TAF1B: variants seen among roughly 807,000 people sequenced by gnomAD.
TAF1B encodes TATA box-binding protein-associated factor RNA polymerase I subunit B.
A neutral mutation model predicts 83.9 loss-of-function variants in TAF1B; 61 were observed. The ratio of observed to expected loss-of-function variants is 0.73; its 90% CI spans 0.59 to 0.90. The LOEUF is 0.90. TAF1B is among the 40% of genes least tolerant of loss of function. The probability of loss-of-function intolerance (pLI) is 0.00; values close to 1 mark genes in which losing one functional copy is unlikely to be tolerated. For missense variants in TAF1B, 625 were observed against 677.0 expected, an observed-to-expected ratio of 0.92 and a Z score of 0.85; for synonymous variants, 221 against 224.6, an observed-to-expected ratio of 0.98 and a Z score of 0.14.
intron 7 of TAF1B, among the ~76,000 whole-genome samples, chr2:9,881,336 A>T (rs1664501112): frequency 6.9e-6 from 1 of 145,420 alleles, no homozygotes; most frequent in Admixed American, 6.9e-5. Flanking sequence ...ACTCTGTCTT[A>T]AAAAAAAAAA....
At chr2:9,917,670 T>C (rs1016015613) in intron 12 of TAF1B, among the ~76,000 whole-genome samples, 3 of 152,230 alleles carry the variant, frequency 2.0e-5, no homozygotes, top group Non-Finnish European at 4.4e-5. Context: ...TTTAAATGAG[T>C]TCCTACTCTC....
At chr2:9,865,743 G>A (rs1460960375) in intron 5 of TAF1B, among the ~76,000 whole-genome samples, 4 of 151,582 alleles carry the variant, frequency 2.6e-5, no homozygotes, top group Non-Finnish European at 5.9e-5. Context: ...CAGAGATACA[G>A]ACCAATGGAA....
At chr2:9,895,648 G>T (rs1327878347) in intron 8 of TAF1B, among the ~76,000 whole-genome samples, 1 of 152,104 alleles carries the variant, frequency 6.6e-6, no homozygotes, top group Non-Finnish European at 1.5e-5. Flanking sequence ...AATAATTACA[G>T]TGCTTTGTCA....
At chr2:9,928,235 G>T (rs1478398608) in intron 14 of TAF1B, among the ~76,000 whole-genome samples, 3 of 152,118 alleles carry the variant, frequency 2.0e-5, no homozygotes, top group African/African-American at 7.2e-5. Context: ...CTCTGTTTTG[G>T]TACCAGTACC....
chr2:9,898,097 G>A (rs450085), intron 8 of TAF1B, among the ~76,000 whole-genome samples: 77,055 of 151,180 alleles, frequency 0.51, 22,886 homozygotes, highest in Non-Finnish European at 0.68. Context: ...TACAAGAAAA[G>A]TAGCCTCTGC....
chr2:9,877,084 A>G (rs1010745761), intron 7 of TAF1B, among the ~76,000 whole-genome samples: 56 of 152,246 alleles, frequency 3.7e-4, no homozygotes, highest in African/African-American at 1.3e-3. Flanking sequence ...CCCATGATTC[A>G]GTGAATTTTA....
At chr2:9,900,979 C>CT (rs1322247610) in intron 8 of TAF1B, among the ~76,000 whole-genome samples, 1 of 152,090 alleles carries the variant, frequency 6.6e-6, no homozygotes, top group African/African-American at 2.4e-5. Flanking sequence ...CAGAGGGTTT[C>CT]TCTAAGTTGT....
intron 1 of TAF1B, 151 bp downstream of exon 1, chr2:9,843,710 T>TG: frequency 2.3e-6 from 2 of 881,872 alleles, no homozygotes; most frequent in Non-Finnish European, 3.3e-6. Context: ...GGCTAAGGAC[T>TG]GGGGCTGGCC....
chr2:9,895,590 AT>A (rs1433076300), intron 8 of TAF1B, among the ~76,000 whole-genome samples: 2 of 152,206 alleles, frequency 1.3e-5, no homozygotes, highest in African/African-American at 4.8e-5. Context: ...AAGGTGAACT[AT>A]TTATGCATCA....
intron 10 of TAF1B, 107 bp from the exon 11 acceptor site, chr2:9,911,404 T>A (rs1000577035): frequency 1.3e-6 from 1 of 792,386 alleles, no homozygotes; most frequent in Non-Finnish European, 1.9e-6. Flanking sequence ...TAAAACATGG[T>A]ATCAATTTCA....
intron 5 of TAF1B, among the ~76,000 whole-genome samples, chr2:9,857,526 T>C (rs287995): frequency 0.21 from 32,241 of 152,120 alleles, 3,887 homozygotes; most frequent in Non-Finnish European, 0.28. Context: ...TGGTTCCATT[T>C]TGGACATGTT....
At chr2:9,863,847 A>G (rs1395105387) in intron 5 of TAF1B, among the ~76,000 whole-genome samples, 5 of 152,228 alleles carry the variant, frequency 3.3e-5, no homozygotes, top group African/African-American at 1.2e-4. Flanking sequence ...CCGAATGACT[A>G]CTGGGTACAT....
intron 7 of TAF1B, among the ~76,000 whole-genome samples, chr2:9,877,255 G>A (rs557488292): frequency 6.6e-6 from 1 of 152,302 alleles, no homozygotes; most frequent in South Asian, 2.1e-4. Flanking sequence ...ATATACAGCT[G>A]TCTGCTGGAC....
At chr2:9,897,222 A>G (rs532954353) in intron 8 of TAF1B, among the ~76,000 whole-genome samples, 82 of 152,352 alleles carry the variant, frequency 5.4e-4, no homozygotes, top group Non-Finnish European at 9.8e-4. Flanking sequence ...GGGTCTAGAT[A>G]TACTTGTCTG....
At chr2:9,876,818 TC>T (rs1664334051) in intron 7 of TAF1B, among the ~76,000 whole-genome samples, 1 of 152,210 alleles carries the variant, frequency 6.6e-6, no homozygotes, top group Non-Finnish European at 1.5e-5. Flanking sequence ...AATAACTACC[TC>T]ATAGGGTTGT....
At chr2:9,921,459 A>G (rs1371060388) in intron 14 of TAF1B, among the ~76,000 whole-genome samples, 1 of 152,188 alleles carries the variant, frequency 6.6e-6, no homozygotes, top group Non-Finnish European at 1.5e-5. Flanking sequence ...TACTCCCCAG[A>G]GCACATTCGT....
At chr2:9,885,780 A>G (rs1227399572) in intron 8 of TAF1B, among the ~76,000 whole-genome samples, 1 of 141,102 alleles carries the variant, frequency 7.1e-6, no homozygotes, top group Non-Finnish European at 1.5e-5. Context: ...CTTAATCTCC[A>G]GCAATTCTCA....
At position 9,919,706 on chromosome 2, in the gene TAF1B, C is replaced by G; in HGVS notation, c.1451C>G (p.Thr484Ser). The G allele has an allele frequency of 6.2e-7, 1 of 1,614,166 alleles. No homozygotes were observed. The highest frequency in any genetic ancestry group is 8.5e-7 in the Non-Finnish European group (1 of 1,180,026). Reference protein sequence around the residue: ...SFQFNWTEEDTDRTCFHGHSL... With the variant: ...SFQFNWTEEDSDRTCFHGHSL... ...CAGTTCAACTGGACTGAAGAGGACA[C>G]TGATAGAACGTGTTTCCATGGACAC... The change falls in exon 14 of 15, where the codon ACT becomes AGT. Residue 484 changes from threonine to serine, a missense_variant. Transcript: ENST00000263663.
chr2:9,854,941 T>A (rs1663511213), intron 5 of TAF1B, among the ~76,000 whole-genome samples: 1 of 152,142 alleles, frequency 6.6e-6, no homozygotes, highest in Non-Finnish European at 1.5e-5. Context: ...TTATTTGGGG[T>A]CGAGGATGAT....
Sources: gnomAD v4.1 joint callset for allele counts (sites outside exome capture counted in the v4.1 genomes callset) on GRCh38, gnomAD v4.1.1 for gene constraint, MANE v1.5 for transcripts, NCBI Gene and HGNC (gene_info 2026-07-23, HGNC 2026-07-21) for gene names.